The following YWHAQ variants were observed in gnomAD, a reference collection of about 807,000 sequenced individuals.
YWHAQ encodes the protein tyrosine 3-monooxygenase/tryptophan 5-monooxygenase activation protein theta.
Under a neutral mutation model 28.3 loss-of-function variants are expected in YWHAQ, and 6 were observed. That is an observed-to-expected ratio of 0.21 (90% CI 0.12 to 0.42). The LOEUF (loss-of-function observed/expected upper bound fraction) is 0.42, where lower values mean the gene tolerates loss of function less well. Ranked by LOEUF, YWHAQ falls within the 10% of genes least tolerant of loss-of-function variation. The pLI is 1.00. For missense variants in YWHAQ, 201 were observed against 305.6 expected, an observed-to-expected ratio of 0.66 and a Z score of 2.55; for synonymous variants, 143 against 119.1, an observed-to-expected ratio of 1.20 and a Z score of -1.31.
At chr2:9,610,728 G>A (rs780575241) in intron 2 of YWHAQ, among the ~76,000 whole-genome samples, 2 of 152,038 alleles carry the variant, frequency 1.3e-5, no homozygotes, top group South Asian at 2.1e-4. Context: ...GGCTGGTCTC[G>A]AACTCCCAAC....
At chr2:9,598,507 C>A (rs568037756) in intron 2 of YWHAQ, among the ~76,000 whole-genome samples, 1 of 152,280 alleles carries the variant, frequency 6.6e-6, no homozygotes, top group East Asian at 1.9e-4. Flanking sequence ...CTGAATCAAG[C>A]ATGTCTATCA....
At position 9,630,522 on chromosome 2, in the gene YWHAQ, G is replaced by A. The variant is rs1351981322; in HGVS notation, c.-70C>T. On this transcript the variant is annotated 5_prime_UTR_variant, in exon 2 of 6. Coordinates refer to ENST00000238081, the MANE Select transcript of YWHAQ (RefSeq NM_006826.4). The surrounding 1 kb of genome is among the most constrained non-coding windows in gnomAD (Gnocchi z 5.6). ...GGGCGAGCGCCGACCCGCAGCGGGAGGAGCCTCGAGAGCTGCGGAGGGGCG... is the reference window on the plus strand; with the variant it reads ...GGGCGAGCGCCGACCCGCAGCGGGAAGAGCCTCGAGAGCTGCGGAGGGGCG... 2 of 1,428,378 alleles carry A rather than the reference G, an allele frequency of 1.4e-6. No individual in the cohort carries two copies. The highest frequency in any genetic ancestry group is 2.4e-5 in the East Asian group (1 of 40,976). The allele number at this position is 1,428,378 out of a possible 1,614,324, so 88.5% of individuals were successfully genotyped here. A position where few individuals can be genotyped will look rare whatever the true frequency, so the allele number is the denominator to read the frequency against.
chr2:9,619,044 T>A (rs762989612), intron 2 of YWHAQ, among the ~76,000 whole-genome samples: 2 of 152,202 alleles, frequency 1.3e-5, no homozygotes, highest in Non-Finnish European at 2.9e-5. Context: ...ATACTAATAA[T>A]CTTAGTAGGT....
At position 9,584,848 on chromosome 2, in the gene YWHAQ, T is replaced by C. The variant is rs1483833466; in HGVS notation, c.*438A>G. 1 of 164,710 alleles carries C rather than the reference T, an allele frequency of 6.1e-6. No homozygotes were observed. Among genetic ancestry groups the C allele is most frequent in the African/African-American group, 2.4e-5 (1 of 41,558 alleles). 10.2% of individuals were successfully genotyped at this position (164,710 alleles called of 1,614,324 possible). A position where few individuals can be genotyped will look rare whatever the true frequency, so the allele number is the denominator to read the frequency against. The stretch of plus-strand genomic sequence containing the variant: ...ACATTAAGAGCATGGAAAAGTTGCT[T>C]ACTGAAAGGAAACCCCCGAAGAGTA... On this transcript the variant is annotated 3_prime_UTR_variant, in exon 6 of 6. Transcript: ENST00000238081.
At chr2:9,587,362 A>C (rs1666365452) in intron 5 of YWHAQ, 52 bp downstream of exon 5, 12 of 1,508,282 alleles carry the variant, frequency 8.0e-6, no homozygotes, top group Non-Finnish European at 8.1e-6. Flanking sequence ...AATAAAATAT[A>C]AATACTTTTG....
chr2:9,585,004 G>A lies in YWHAQ; in HGVS notation c.*282C>T. ...ACTGGTTCAGATTACTTAAATACCA[G>A]ATACATTTTTAGTCCTCTACATAAG... On this transcript the variant is annotated 3_prime_UTR_variant, in exon 6 of 6. Transcript: ENST00000238081. 3 of 364,486 alleles carry A rather than the reference G, an allele frequency of 8.2e-6. No homozygotes were observed. The highest frequency in any genetic ancestry group is 1.0e-4 in the South Asian group (2 of 19,878). The allele number at this position is 364,486 out of a possible 1,614,324, so 22.6% of individuals were successfully genotyped here.
chr2:9,590,491 C>A (rs1340194575), intron 3 of YWHAQ, among the ~76,000 whole-genome samples: 1 of 152,094 alleles, frequency 6.6e-6, no homozygotes, highest in East Asian at 1.9e-4. Flanking sequence ...AAATTAAGAA[C>A]AAAACAACAA....
intron 5 of YWHAQ, 104 bp downstream of exon 5, chr2:9,587,310 T>A: frequency 9.8e-7 from 1 of 1,018,588 alleles, no homozygotes; most frequent in Non-Finnish European, 1.4e-6. Context: ...TATCTCATAC[T>A]TTCAGCTCGT....
At chr2:9,602,852 AAAAAAAAAAAATATATATATATATAT>A (rs1410474064) in intron 2 of YWHAQ, among the ~76,000 whole-genome samples, 8 of 14,302 alleles carry the variant, frequency 5.6e-4, no homozygotes, top group African/African-American at 1.9e-3. Context: ...AAAAAAAAAA[AAAAAAAAAAAATATATATATATATAT>A]ATATATATAT....
intron 2 of YWHAQ, among the ~76,000 whole-genome samples, chr2:9,602,373 C>T (rs1666710212): frequency 6.6e-6 from 1 of 152,092 alleles, no homozygotes; most frequent in African/African-American, 2.4e-5. Flanking sequence ...TATGATCACA[C>T]CACTGCACTC....
chr2:9,584,485 AAT>A lies in YWHAQ; in HGVS notation c.*799_*800del, dbSNP rs1184228451. The A allele has an allele frequency of 2.1e-5, 3 of 140,228 alleles. No homozygotes were observed. The highest frequency in any genetic ancestry group is 9.9e-5 in the African/African-American group (3 of 30,236). 8.7% of individuals were successfully genotyped at this position (140,228 alleles called of 1,614,324 possible). A position where few individuals can be genotyped will look rare whatever the true frequency, so the allele number is the denominator to read the frequency against. The stretch of plus-strand genomic sequence containing the variant: ...TTTTAGACTTGGACTTGTGTACTTT[AAT>A]TTATTTCCCCTTTCTAGTGTATTAA... On this transcript the variant is annotated 3_prime_UTR_variant, in exon 6 of 6. Coordinates refer to ENST00000238081, the MANE Select transcript of YWHAQ (RefSeq NM_006826.4).
At position 9,598,836 on chromosome 2, in the gene YWHAQ, G is replaced by A. The variant is rs143691265; in HGVS notation, c.295-7321C>T. Among the ~76,000 whole-genome samples, 10 of 152,104 alleles carry A rather than the reference G, an allele frequency of 6.6e-5. No homozygotes were observed. The East Asian group carries it at 1.7e-3, about 26-fold the overall frequency. ...TTAGACCAATTAATAACCCTACAAT[G>A]GCCTTTAATTAAGTGTTCAAGTGAA... On this transcript the variant is annotated intron_variant, in intron 2 of 5. Transcript: ENST00000238081.
intron 2 of YWHAQ, among the ~76,000 whole-genome samples, chr2:9,608,389 T>C (rs16867073): frequency 0.16 from 23,914 of 152,108 alleles, 2,425 homozygotes; most frequent in African/African-American, 0.29. Flanking sequence ...TTGTCATCGC[T>C]GAGAAGTAGC....
At chr2:9,605,140 C>CTT (rs35332379) in intron 2 of YWHAQ, among the ~76,000 whole-genome samples, 26,869 of 138,310 alleles carry the variant, frequency 0.19, 4,062 homozygotes, top group African/African-American at 0.41. Flanking sequence ...TCTGTTCTCT[C>CTT]TTTTTTTTTT....
chr2:9,585,477 G>C, intron 5 of YWHAQ, 132 bp from the exon 6 acceptor site: 1 of 1,012,378 alleles, frequency 9.9e-7, no homozygotes, highest in Non-Finnish European at 1.5e-6. Context: ...TAAGACTGAA[G>C]TTCTCTCTCA....
At chr2:9,623,659 A>G (rs1376308598) in intron 2 of YWHAQ, among the ~76,000 whole-genome samples, 1 of 152,058 alleles carries the variant, frequency 6.6e-6, no homozygotes, top group African/African-American at 2.4e-5. Flanking sequence ...TGTAATCCCA[A>G]CTACTTGTGA....
chr2:9,626,059 T>G (rs1667242470), intron 2 of YWHAQ, among the ~76,000 whole-genome samples: 1 of 152,184 alleles, frequency 6.6e-6, no homozygotes, highest in Non-Finnish European at 1.5e-5. Context: ...TCAATTAAGG[T>G]TACAAAGCTT....
intron 2 of YWHAQ, among the ~76,000 whole-genome samples, chr2:9,617,554 T>C (rs1211388213): frequency 6.6e-6 from 1 of 152,092 alleles, no homozygotes; most frequent in African/African-American, 2.4e-5. Context: ...CACGACAAAA[T>C]GAATGTACTT....
intron 2 of YWHAQ, among the ~76,000 whole-genome samples, chr2:9,610,567 G>T (rs902666554): frequency 6.6e-6 from 1 of 151,994 alleles, no homozygotes; most frequent in Non-Finnish European, 1.5e-5. Flanking sequence ...GGAGTGCAAC[G>T]GCGCAATCTC....
Sources: gnomAD v4.1 joint callset for allele counts (sites outside exome capture counted in the v4.1 genomes callset) on GRCh38, gnomAD v4.1.1 for gene constraint, Gnocchi (gnomAD v3.1) non-coding constraint, MANE v1.5 for transcripts, NCBI Gene and HGNC (gene_info 2026-07-23, HGNC 2026-07-21) for gene names.